Variants in CNTN5 observed in about 807,000 individuals in gnomAD.
CNTN5 encodes the protein contactin-5.
In CNTN5, 77 loss-of-function variants were observed where a neutral mutation model predicts 129.1. The ratio of observed to expected loss-of-function variants is 0.60; its 90% CI spans 0.50 to 0.72. The LOEUF (loss-of-function observed/expected upper bound fraction) is 0.72, where lower values mean the gene tolerates loss of function less well. Ranked by LOEUF, CNTN5 falls within the 30% of genes least tolerant of loss-of-function variation. The pLI is 0.00. For missense variants in CNTN5, 1,478 were observed against 1,328.8 expected (o/e 1.11, Z -1.75); for synonymous variants, 509 against 465.6 (o/e 1.09, Z -1.20).
chr11:99,033,572 C>G (rs1394296081), intron 1 of CNTN5, among the ~76,000 whole-genome samples: 1 of 151,928 alleles, frequency 6.6e-6, no homozygotes, highest in Non-Finnish European at 1.5e-5. Flanking sequence ...CTCTGTTTGT[C>G]TGTTGTTGGT....
At chr11:99,506,998 G>T (rs1219623351) in intron 2 of CNTN5, among the ~76,000 whole-genome samples, 13 of 152,148 alleles carry the variant, frequency 8.5e-5, no homozygotes, top group Non-Finnish European at 2.9e-5. Context: ...CATATGAAAT[G>T]ATCTAAATCA....
intron 13 of CNTN5, among the ~76,000 whole-genome samples, chr11:100,184,924 G>A (rs1057425563): frequency 1.3e-5 from 2 of 151,958 alleles, no homozygotes; most frequent in African/African-American, 4.8e-5. Context: ...TCATGGGGGT[G>A]GTTTCCCCCA....
At chr11:99,840,143 C>A (rs934580298) in intron 4 of CNTN5, among the ~76,000 whole-genome samples, 15 of 152,082 alleles carry the variant, frequency 9.9e-5, no homozygotes, top group Non-Finnish European at 1.8e-4. Flanking sequence ...ACTACTTCAC[C>A]ATGGTAATGT....
intron 2 of CNTN5, among the ~76,000 whole-genome samples, chr11:99,484,474 T>G (rs1045036059): frequency 6.6e-6 from 1 of 152,150 alleles, no homozygotes; most frequent in African/African-American, 2.4e-5. Context: ...GCATGAAAAT[T>G]CCTCAGAAAA....
chr11:100,023,857 C>T lies in CNTN5; in HGVS notation c.980+21721C>T, dbSNP rs1265591254. ...TTGATAGCTAATTTTTTTTTTAATA[C>T]TTCATGTTGTTCCACTGTCTGGATA... On this transcript the variant is annotated intron_variant, in intron 9 of 24. Coordinates refer to ENST00000524871, the MANE Select transcript of CNTN5 (RefSeq NM_014361.4). Among the ~76,000 whole-genome samples the T allele has an allele frequency of 2.0e-5, 3 of 151,696 alleles. No individual in the cohort carries two copies. In the South Asian group the frequency reaches 6.2e-4, roughly 32 times the overall value.
At chr11:99,407,956 G>A (rs1050039660) in intron 2 of CNTN5, among the ~76,000 whole-genome samples, 3 of 152,050 alleles carry the variant, frequency 2.0e-5, no homozygotes, top group African/African-American at 7.2e-5. Flanking sequence ...GTGTGACATC[G>A]GTGATTCGGA....
At chr11:99,096,871 C>T (rs116377161) in intron 1 of CNTN5, among the ~76,000 whole-genome samples, 56 of 151,828 alleles carry the variant, frequency 3.7e-4, no homozygotes, top group African/African-American at 1.3e-3. Context: ...AGTTTCCTTG[C>T]TGATATACTT....
intron 1 of CNTN5, among the ~76,000 whole-genome samples, chr11:99,324,786 C>T (rs565125139): frequency 1.3e-4 from 20 of 152,110 alleles, no homozygotes; most frequent in African/African-American, 4.1e-4. Context: ...GGACTACAGG[C>T]GCCCTCCACC....
intron 13 of CNTN5, among the ~76,000 whole-genome samples, chr11:100,075,313 C>T (rs1565216799): frequency 6.6e-6 from 1 of 152,100 alleles, no homozygotes; most frequent in Non-Finnish European, 1.5e-5. Context: ...AAGATCTATG[C>T]TTCTTGGAAA....
intron 3 of CNTN5, among the ~76,000 whole-genome samples, chr11:99,671,820 T>C (rs1196027408): frequency 1.3e-5 from 2 of 152,158 alleles, no homozygotes; most frequent in Non-Finnish European, 2.9e-5. Context: ...AGAAAATAAA[T>C]TTTAAGTTTA....
At chr11:99,415,442 A>T (rs1489801812) in intron 2 of CNTN5, among the ~76,000 whole-genome samples, 1 of 152,194 alleles carries the variant, frequency 6.6e-6, no homozygotes, top group Non-Finnish European at 1.5e-5. Flanking sequence ...GGTATGGGGC[A>T]GGGCCTCTCT....
intron 3 of CNTN5, among the ~76,000 whole-genome samples, chr11:99,672,062 G>A (rs997689395): frequency 6.6e-6 from 1 of 152,086 alleles, no homozygotes; most frequent in Non-Finnish European, 1.5e-5. Flanking sequence ...TGACCAGATT[G>A]TGTAATTTCT....
At chr11:99,424,243 A>G (rs1470342592) in intron 2 of CNTN5, among the ~76,000 whole-genome samples, 2 of 152,204 alleles carry the variant, frequency 1.3e-5, no homozygotes, top group Non-Finnish European at 2.9e-5. Context: ...GACAAGCACT[A>G]CAATCTAAAC....
Position 99,569,555 on chromosome 11 carries a change from G to A in CNTN5, c.55+13286G>A, listed in dbSNP as rs1005255093. ...TCTCGAACTCCTGACCTTGTGGTCC[G>A]CCTGCCTCGGCCTCCCAAACTGCTG... On this transcript the variant is annotated intron_variant, in intron 3 of 24. Transcript: ENST00000524871. Among the ~76,000 whole-genome samples, 17 of 152,014 alleles carry A rather than the reference G, an allele frequency of 1.1e-4. No homozygotes were observed. The South Asian group carries it at 2.1e-3, about 19-fold the overall frequency.
chr11:100,153,676 T>G (rs899492495), intron 13 of CNTN5, among the ~76,000 whole-genome samples: 1 of 152,072 alleles, frequency 6.6e-6, no homozygotes, highest in Admixed American at 6.6e-5. Context: ...ATAAAAAGCC[T>G]TTCGCAAGAA....
chr11:100,203,918 T>C (rs1005167508), intron 15 of CNTN5, among the ~76,000 whole-genome samples: 2 of 151,584 alleles, frequency 1.3e-5, no homozygotes, highest in African/African-American at 4.8e-5. Context: ...CAAAGCATAA[T>C]AATTCTCTGA....
At chr11:99,890,526 A>G (rs953835503) in intron 6 of CNTN5, among the ~76,000 whole-genome samples, 6 of 152,016 alleles carry the variant, frequency 3.9e-5, no homozygotes, top group African/African-American at 1.4e-4. Context: ...TGACTGAAAC[A>G]TACATGTATG....
chr11:99,944,478 CT>C (rs1236302861), intron 7 of CNTN5, among the ~76,000 whole-genome samples: 1 of 152,084 alleles, frequency 6.6e-6, no homozygotes, highest in Non-Finnish European at 1.5e-5. Flanking sequence ...TCTTTCACCA[CT>C]TCTATTCAAT....
chr11:100,121,240 C>A (rs781479798), intron 13 of CNTN5, among the ~76,000 whole-genome samples: 1 of 151,838 alleles, frequency 6.6e-6, no homozygotes, highest in Non-Finnish European at 1.5e-5. Flanking sequence ...TACTTCTAGG[C>A]GGAACTGATG....
Sources: gnomAD v4.1 joint callset for allele counts (sites outside exome capture counted in the v4.1 genomes callset) on GRCh38, gnomAD v4.1.1 for gene constraint, MANE v1.5 for transcripts, NCBI Gene and HGNC (gene_info 2026-07-23, HGNC 2026-07-21) for gene names.